VDAC1: variants seen among roughly 807,000 people sequenced by gnomAD.
The protein encoded by VDAC1 is non-selective voltage-gated ion channel VDAC1.
A neutral mutation model predicts 34.7 loss-of-function variants in VDAC1; 10 were observed. The ratio of observed to expected loss-of-function variants is 0.29; its 90% CI spans 0.18 to 0.49. VDAC1 has a LOEUF of 0.49. Among genes scored for constraint, VDAC1 ranks in the 20% least tolerant of loss-of-function variants. VDAC1 has a pLI of 0.99. For missense variants in VDAC1, 230 were observed against 347.9 expected, an observed-to-expected ratio of 0.66 and a Z score of 2.69; for synonymous variants, 130 against 136.0, an observed-to-expected ratio of 0.96 and a Z score of 0.30.
the VDAC1 span, among the ~76,000 whole-genome samples, chr5:134,017,137 T>C: frequency 6.6e-6 from 1 of 152,182 alleles, no homozygotes; most frequent in African/African-American, 2.4e-5. Context: ...TATTCTGAGC[T>C]CAGCCCTCTG....
chr5:134,016,493 ATAC>A, the VDAC1 span, among the ~76,000 whole-genome samples: 10 of 152,176 alleles, frequency 6.6e-5, no homozygotes, highest in Non-Finnish European at 1.3e-4. Context: ...CCCCTTCTCC[ATAC>A]CCCACCAGTG....
At chr5:134,104,458 A>G in the VDAC1 span, among the ~76,000 whole-genome samples, 1 of 152,202 alleles carries the variant, frequency 6.6e-6, no homozygotes, top group Non-Finnish European at 1.5e-5. Flanking sequence ...CTCCGCTTAG[A>G]ACAGGAACAA....
the VDAC1 span, among the ~76,000 whole-genome samples, chr5:134,030,301 T>C: frequency 1.2e-4 from 18 of 151,736 alleles, no homozygotes; most frequent in East Asian, 2.0e-4. Context: ...GATCGTGCCA[T>C]TATACTCCAG....
At chr5:134,014,614 T>C in the VDAC1 span, among the ~76,000 whole-genome samples, 3 of 152,252 alleles carry the variant, frequency 2.0e-5, no homozygotes, top group Non-Finnish European at 2.9e-5. Context: ...ACACCTGTAA[T>C]CCCAACACTT....
upstream of VDAC1, chr5:134,005,512 T>C (rs1228152104): frequency 2.0e-5 from 3 of 152,230 alleles, no homozygotes; most frequent in Non-Finnish European, 4.4e-5. Context: ...GCAGCCAATT[T>C]CCATGCATTT....
the VDAC1 span, among the ~76,000 whole-genome samples, chr5:134,068,639 G>A: frequency 2.6e-5 from 4 of 152,058 alleles, no homozygotes; most frequent in Admixed American, 2.6e-4. Flanking sequence ...TTGGTGTCAA[G>A]AAGTTTCACT....
the VDAC1 span, among the ~76,000 whole-genome samples, chr5:134,017,237 C>T: frequency 3.3e-5 from 5 of 152,022 alleles, no homozygotes; most frequent in South Asian, 2.1e-4. Flanking sequence ...GAGGCTGAGG[C>T]GGGTGGATCA....
At chr5:133,992,612 G>C (rs1213600045) in intron 2 of VDAC1, among the ~76,000 whole-genome samples, 1 of 152,248 alleles carries the variant, frequency 6.6e-6, no homozygotes, top group Non-Finnish European at 1.5e-5. Flanking sequence ...CCTGACAGCT[G>C]GCAAAGACAC....
the VDAC1 span, among the ~76,000 whole-genome samples, chr5:134,032,028 C>T: frequency 6.8e-6 from 1 of 147,130 alleles, no homozygotes; most frequent in African/African-American, 2.5e-5. Flanking sequence ...ACTTGGGAGG[C>T]ACGAGAATTG....
chr5:133,986,325 A>G (rs1214931228), intron 5 of VDAC1, among the ~76,000 whole-genome samples: 1 of 152,028 alleles, frequency 6.6e-6, no homozygotes, highest in Non-Finnish European at 1.5e-5. Flanking sequence ...TTCGTTTCTA[A>G]TCTCCATGAT....
intron 6 of VDAC1, among the ~76,000 whole-genome samples, chr5:133,976,936 T>TG (rs746644047): frequency 3.3e-5 from 5 of 151,862 alleles, no homozygotes; most frequent in Middle Eastern, 3.4e-3. Context: ...CCCAGCAACC[T>TG]GGGGGGGTGA....
In VDAC1 at chr5:133,991,589, T is replaced by C. The variant is rs532358389; in HGVS notation, c.118-435A>G. On this transcript the variant is annotated intron_variant, in intron 3 of 8. Coordinates refer to ENST00000265333, the MANE Select transcript of VDAC1 (RefSeq NM_003374.3). ...CTTATGTGGTTGAATGCAGGTGAAT[T>C]TGAAAATAAGAAGCACAAGGAAAAC... 3.9e-5 allele frequency among the ~76,000 whole-genome samples: 6 copies of C among 152,276 alleles called. No individual in the cohort carries two copies. The East Asian group carries it at 1.2e-3, about 29-fold the overall frequency.
the VDAC1 span, among the ~76,000 whole-genome samples, chr5:134,018,498 C>T: frequency 6.6e-5 from 10 of 152,306 alleles, no homozygotes; most frequent in East Asian, 1.9e-3. Context: ...GGAATCGTGC[C>T]TCTTGGGTTG....
chr5:134,055,596 T>TTTTTTTTTTTTTTTTTG, the VDAC1 span, among the ~76,000 whole-genome samples: 1 of 41,946 alleles, frequency 2.4e-5, no homozygotes, highest in Non-Finnish European at 6.7e-5. Flanking sequence ...ATGTTTTTTT[T>TTTTTTTTTTTTTTTTTG]TTTTTTTTTT....
At chr5:134,079,741 T>C in the VDAC1 span, among the ~76,000 whole-genome samples, 2 of 152,062 alleles carry the variant, frequency 1.3e-5, no homozygotes, top group African/African-American at 4.8e-5. Flanking sequence ...CCCAGGTGAG[T>C]TGCTGCCCCA....
At chr5:133,982,809 G>C (rs539162101) in intron 5 of VDAC1, among the ~76,000 whole-genome samples, 2 of 149,840 alleles carry the variant, frequency 1.3e-5, no homozygotes, top group South Asian at 4.2e-4. Flanking sequence ...AGAATCACTT[G>C]AACCCAGGAG....
chr5:134,018,709 C>T, the VDAC1 span, among the ~76,000 whole-genome samples: 3 of 152,178 alleles, frequency 2.0e-5, no homozygotes, highest in Non-Finnish European at 4.4e-5. Context: ...ACCAGATAAA[C>T]GAACAATGTG....
At position 133,993,063 on chromosome 5, in the gene VDAC1, A is replaced by C. The variant is rs745950425; in HGVS notation, c.-6-45T>G. 3 of 1,549,316 alleles carry C rather than the reference A, an allele frequency of 1.9e-6. No individual in the cohort carries two copies. In the South Asian group the frequency reaches 3.5e-5, roughly 18 times the overall value. On this transcript the variant is annotated intron_variant, in intron 1 of 8. Coordinates refer to ENST00000265333, the MANE Select transcript of VDAC1 (RefSeq NM_003374.3). ...AGAATAAATGCATTGATAATTAGGG[A>C]AATTAGCTTTCCATCAATAACAATT...
the VDAC1 span, among the ~76,000 whole-genome samples, chr5:134,106,345 A>G: frequency 1.3e-5 from 2 of 152,008 alleles, no homozygotes; most frequent in African/African-American, 4.8e-5. Flanking sequence ...AAACTCTTCC[A>G]ACTACGTTAA....
Sources: allele counts gnomAD v4.1 joint callset (sites outside exome capture counted in the v4.1 genomes callset), GRCh38; gene constraint gnomAD v4.1.1; transcripts MANE v1.5; gene names NCBI Gene and HGNC (gene_info 2026-07-23, HGNC 2026-07-21).